ABCB11: variants seen among roughly 807,000 people sequenced by gnomAD.
ABCB11 encodes the protein ATP binding cassette subfamily B member 11.
ABCB11 carries 95 observed loss-of-function variants against 148.0 expected under a neutral mutation model. The observed-to-expected ratio is 0.64, with a 90% CI of 0.54 to 0.76. The LOEUF (loss-of-function observed/expected upper bound fraction) is 0.76. Among genes scored for constraint, ABCB11 ranks in the 30% least tolerant of loss-of-function variants. ABCB11 has a pLI of 0.00. For synonymous variants in ABCB11, 591 were observed against 555.4 expected (o/e 1.06, Z -0.90); for missense variants, 1,523 against 1,617.8 (o/e 0.94, Z 1.01).
chr2:168,972,137 GAA>G (rs1480821155), intron 13 of ABCB11, 87 bp from the exon 14 acceptor site: 3 of 1,206,024 alleles, frequency 2.5e-6, no homozygotes, highest in Non-Finnish European at 3.5e-6. Context: ...CCAATGGGCA[GAA>G]AAAATAGAGG....
At chr2:168,925,210 C>T (rs1162472878) in intron 26 of ABCB11, among the ~76,000 whole-genome samples, 3 of 152,132 alleles carry the variant, frequency 2.0e-5, no homozygotes, top group Non-Finnish European at 4.4e-5. Flanking sequence ...TCTTCTGGTC[C>T]ATTGCTGTAT....
At position 168,987,053 on chromosome 2, in the gene ABCB11, T is replaced by C. The variant is rs75737192; in HGVS notation, c.909-769A>G. Among the ~76,000 whole-genome samples the C allele has an allele frequency of 6.0e-3, 911 of 152,266 alleles. 14 individuals are homozygous for C. The highest frequency in any genetic ancestry group is 0.021 in the African/African-American group (864 of 41,560). On this transcript the variant is annotated intron_variant, in intron 9 of 27. Coordinates refer to ENST00000650372, the MANE Select transcript of ABCB11 (RefSeq NM_003742.4). ...CTCTTTTATTGACAATAAAAGATAATGTCTTTCATGGTGGAAGAAATATGC... is the reference window on the plus strand; with the variant it reads ...CTCTTTTATTGACAATAAAAGATAACGTCTTTCATGGTGGAAGAAATATGC...
chr2:168,982,767 TGAGAGAGAGA>T (rs549580308), intron 10 of ABCB11, among the ~76,000 whole-genome samples: 1 of 151,460 alleles, frequency 6.6e-6, no homozygotes, highest in Non-Finnish European at 1.5e-5. Flanking sequence ...GGCCAAGACC[TGAGAGAGAGA>T]GCGAGCGAGA....
rs1573974609 is a variant in ABCB11 at position 169,010,600 on chromosome 2, T to C, written c.389+2672A>G. Among the ~76,000 whole-genome samples, 3 of 152,350 alleles carry C rather than the reference T, an allele frequency of 2.0e-5. No individual in the cohort carries two copies. In the South Asian group the frequency reaches 6.2e-4, roughly 32 times the overall value. ...AAAGGAGAAACTGTACTTTTAATGA[T>C]ATACTTTTTCCACGAAAGAAACCTG... is the stretch of plus-strand genomic sequence containing the variant. On this transcript the variant is annotated intron_variant, in intron 5 of 27. Coordinates refer to ENST00000650372, the MANE Select transcript of ABCB11 (RefSeq NM_003742.4).
intron 19 of ABCB11, among the ~76,000 whole-genome samples, chr2:168,945,600 A>T (rs1348270574): frequency 1.3e-5 from 2 of 151,244 alleles, no homozygotes; most frequent in Non-Finnish European, 3.0e-5. Context: ...GACGGAAGGG[A>T]AGAAGGAAGA....
chr2:168,986,271 G>A lies in ABCB11; in HGVS notation c.922C>T (p.Leu308Phe), dbSNP rs780710769. Reference protein sequence around the residue: ...KREVERYEKNLVFAQRWGIRK... With the variant: ...KREVERYEKNFVFAQRWGIRK... ...ATTCCCCAACGCTGGGCGAACACAAGATTTTTCTCATACCTGTGAAGACAA... is the reference window on the plus strand; with the variant it reads ...ATTCCCCAACGCTGGGCGAACACAAAATTTTTCTCATACCTGTGAAGACAA... Residue 308 changes from leucine to phenylalanine, a missense_variant, in exon 10 of 28, where the codon CTT becomes TTT. Physicochemically the swap from Leu to Phe is conservative, Grantham distance 22 (BLOSUM62 0). Coordinates refer to ENST00000650372, the MANE Select transcript of ABCB11 (RefSeq NM_003742.4). 1 of 1,612,434 alleles carries A rather than the reference G, an allele frequency of 6.2e-7. No individual in the cohort carries two copies. The highest frequency in any genetic ancestry group is 8.5e-7 in the Non-Finnish European group (1 of 1,179,448).
chr2:168,970,427 C>T, intron 14 of ABCB11: 1 of 1,328,968 alleles, frequency 7.5e-7, no homozygotes, highest in Non-Finnish European at 1.0e-6. Context: ...TGCTTTTATT[C>T]CAGGGTTTAC....
chr2:168,969,116 T>TAA lies in ABCB11; in HGVS notation c.2011+232_2011+233dup, dbSNP rs66474338. ...GAAGCCTCTTCTATTTGCGCAGGGTTAAAAAAAAAAAAAAAGGGGGGGATG... is the reference window on the plus strand; with the variant it reads ...GAAGCCTCTTCTATTTGCGCAGGGTTAAAAAAAAAAAAAAAAAGGGGGGGATG... On this transcript the variant is annotated intron_variant, in intron 16 of 27. Coordinates refer to ENST00000650372, the MANE Select transcript of ABCB11 (RefSeq NM_003742.4). Among the ~76,000 whole-genome samples, 389 of 140,118 alleles carry TAA rather than the reference T, an allele frequency of 2.8e-3. 2 individuals are homozygous for TAA. Among genetic ancestry groups the TAA allele is most frequent in the South Asian group, 0.017 (76 of 4,406 alleles). 91.9% of individuals were successfully genotyped at this position (140,118 alleles called of 152,430 possible). A position where few individuals can be genotyped will look rare whatever the true frequency, so the allele number is the denominator to read the frequency against.
At chr2:168,962,270 G>A (rs894919493) in intron 18 of ABCB11, among the ~76,000 whole-genome samples, 9 of 151,550 alleles carry the variant, frequency 5.9e-5, no homozygotes, top group South Asian at 2.1e-4. Context: ...CTTTTAAAAC[G>A]TATGCTGGCC....
At chr2:168,955,817 T>C (rs867328254) in intron 19 of ABCB11, among the ~76,000 whole-genome samples, 2 of 151,792 alleles carry the variant, frequency 1.3e-5, no homozygotes, top group Non-Finnish European at 1.5e-5. Context: ...ATAAGTTTGT[T>C]ACTTCCCAGA....
At chr2:169,011,723 G>A (rs1322921980) in intron 5 of ABCB11, among the ~76,000 whole-genome samples, 1 of 152,130 alleles carries the variant, frequency 6.6e-6, no homozygotes. Flanking sequence ...TGTCACCCAT[G>A]TAATCACAGC....
intron 12 of ABCB11, among the ~76,000 whole-genome samples, chr2:168,975,206 T>A (rs1280284181): frequency 1.5e-5 from 1 of 66,350 alleles, no homozygotes; most frequent in East Asian, 5.5e-4. Flanking sequence ...TAAATATTTT[T>A]ATATTTAAAT....
In ABCB11 at chr2:168,964,327, A is replaced by C; in HGVS notation, c.2076-19T>G. The stretch of plus-strand genomic sequence containing the variant: ...GGAAGCCCTGTAAATAAACAGAAAG[A>C]TGAAACAGTGTAGACTGTGGCCAGA... On this transcript the variant is annotated intron_variant, in intron 17 of 27. Transcript: ENST00000650372. The C allele has an allele frequency of 6.5e-7, 1 of 1,543,546 alleles. No individual in the cohort carries two copies. Among genetic ancestry groups the C allele is most frequent in the Non-Finnish European group, 8.8e-7 (1 of 1,138,734 alleles).
At chr2:168,925,404 T>C (rs760519320) in intron 26 of ABCB11, among the ~76,000 whole-genome samples, 9 of 152,210 alleles carry the variant, frequency 5.9e-5, no homozygotes, top group Admixed American at 2.0e-4. Flanking sequence ...AAAAAATCAC[T>C]CATGCCTGGC....
chr2:169,028,370 G>A (rs1695763189), intron 1 of ABCB11, among the ~76,000 whole-genome samples: 1 of 152,066 alleles, frequency 6.6e-6, no homozygotes, highest in Non-Finnish European at 1.5e-5. Context: ...TGATGCAGAG[G>A]AGCTGCCTTG....
At chr2:169,029,110 G>A (rs1241949058) in intron 1 of ABCB11, among the ~76,000 whole-genome samples, 3 of 151,914 alleles carry the variant, frequency 2.0e-5, no homozygotes, top group Non-Finnish European at 4.4e-5. Context: ...TCATGTGAGG[G>A]TCCCTCCACG....
chr2:168,981,836 T>G (rs1694146595), intron 10 of ABCB11, among the ~76,000 whole-genome samples: 1 of 152,280 alleles, frequency 6.6e-6, no homozygotes, highest in South Asian at 2.1e-4. Flanking sequence ...TAGACATATG[T>G]AAATAAGTGA....
intron 8 of ABCB11, 86 bp downstream of exon 8, chr2:168,993,625 C>G: frequency 7.9e-7 from 1 of 1,273,624 alleles, no homozygotes; most frequent in Non-Finnish European, 1.1e-6. Flanking sequence ...TAACTGTACT[C>G]AGGAAAAGGG....
intron 1 of ABCB11, among the ~76,000 whole-genome samples, chr2:169,028,621 C>A (rs1183148478): frequency 1.3e-5 from 2 of 152,050 alleles, no homozygotes; most frequent in Non-Finnish European, 2.9e-5. Flanking sequence ...GCCTCATGAT[C>A]CTTACCACTG....
Sources: allele counts gnomAD v4.1 joint callset (sites outside exome capture counted in the v4.1 genomes callset), GRCh38; gene constraint gnomAD v4.1.1; transcripts MANE v1.5; gene names NCBI Gene and HGNC (gene_info 2026-07-23, HGNC 2026-07-21).